The following NAALADL2 variants were observed in gnomAD, a reference collection of about 807,000 sequenced individuals.
The protein encoded by NAALADL2 is inactive N-acetylated-alpha-linked acidic dipeptidase-like protein 2.
A neutral mutation model predicts 87.2 loss-of-function variants in NAALADL2; 76 were observed. The observed-to-expected ratio is 0.87, with a 90% CI of 0.72 to 1.05. NAALADL2 has a LOEUF of 1.05. Ranked by LOEUF, NAALADL2 falls within the 50% of genes least tolerant of loss-of-function variation. The pLI is 0.00. For synonymous variants in NAALADL2, 354 were observed against 331.0 expected (o/e 1.07, Z -0.75); for missense variants, 1,089 against 945.8 (o/e 1.15, Z -1.99).
At chr3:175,206,127 C>T (rs971270589) in intron 2 of NAALADL2, among the ~76,000 whole-genome samples, 1 of 150,962 alleles carries the variant, frequency 6.6e-6, no homozygotes, top group Non-Finnish European at 1.5e-5. Flanking sequence ...AGTCATTATA[C>T]GAATAAGATA....
At chr3:175,311,320 A>G (rs117417504) in intron 4 of NAALADL2, among the ~76,000 whole-genome samples, 2 of 151,992 alleles carry the variant, frequency 1.3e-5, no homozygotes, top group African/African-American at 4.8e-5. Context: ...AGAAATCTAT[A>G]AAGTCACATT....
intron 3 of NAALADL2, among the ~76,000 whole-genome samples, chr3:174,818,749 G>T (rs572800685): frequency 2.6e-4 from 40 of 152,152 alleles, no homozygotes; most frequent in Admixed American, 1.0e-3. Context: ...TCAAGAGGAG[G>T]CCTTCGTCTA....
chr3:174,524,067 A>G lies in NAALADL2; in HGVS notation c.-183-26502A>G, dbSNP rs190240025. Among the ~76,000 whole-genome samples the G allele has an allele frequency of 2.2e-3, 335 of 152,228 alleles. 2 individuals are homozygous for G. The highest frequency in any genetic ancestry group is 9.7e-3 in the South Asian group (47 of 4,824). ...GTTCTTTTGGTCTTCTGAATTAACA[A>G]CAACTCCTTGAAATATTATCTGTGT... On this transcript the variant is annotated intron_variant, in intron 1 of 3. Transcript: ENST00000434257.
At chr3:175,011,014 G>A (rs1749709630) in intron 1 of NAALADL2, among the ~76,000 whole-genome samples, 1 of 152,080 alleles carries the variant, frequency 6.6e-6, no homozygotes, top group Admixed American at 6.6e-5. Flanking sequence ...ACTCCTATCA[G>A]AATTACTAGA....
chr3:175,607,210 A>G (rs1723877975), intron 10 of NAALADL2, among the ~76,000 whole-genome samples: 1 of 145,316 alleles, frequency 6.9e-6, no homozygotes, highest in Admixed American at 6.8e-5. Context: ...TAAATATAAT[A>G]TGCACACATG....
At chr3:174,896,315 TAAAAA>T (rs1184566017) in intron 1 of NAALADL2, among the ~76,000 whole-genome samples, 1 of 151,932 alleles carries the variant, frequency 6.6e-6, no homozygotes, top group African/African-American at 2.4e-5. Flanking sequence ...TTAGAACTGA[TAAAAA>T]AAATTCATTC....
intron 11 of NAALADL2, among the ~76,000 whole-genome samples, chr3:175,710,556 ATATT>A (rs972634692): frequency 7.3e-5 from 11 of 150,334 alleles, no homozygotes; most frequent in South Asian, 2.1e-4. Context: ...TTATATATAA[ATATT>A]TATATATGTG....
intron 11 of NAALADL2, among the ~76,000 whole-genome samples, chr3:175,647,019 G>A (rs1730101408): frequency 6.6e-6 from 1 of 151,920 alleles, no homozygotes; most frequent in Non-Finnish European, 1.5e-5. Context: ...ATATCTATAT[G>A]AACACACTCT....
In NAALADL2 at chr3:174,458,915, T is replaced by C. The variant is rs533303918; in HGVS notation, c.-184+17883T>C. On this transcript the variant is annotated intron_variant, in intron 1 of 3. Coordinates refer to the NAALADL2 transcript ENST00000434257. ...ATATTTTTTCTTCAAGCCTCTATTA[T>C]GTTTCCTGGGGTTACTAACATGATC... Among the ~76,000 whole-genome samples the C allele has an allele frequency of 3.3e-5, 5 of 152,262 alleles. No homozygotes were observed. The East Asian group carries it at 7.7e-4, about 24-fold the overall frequency.
At chr3:175,117,908 G>C (rs547971007) in intron 2 of NAALADL2, among the ~76,000 whole-genome samples, 1 of 151,848 alleles carries the variant, frequency 6.6e-6, no homozygotes, top group Non-Finnish European at 1.5e-5. Context: ...AATGTGGCAT[G>C]TACACACCAT....
intron 3 of NAALADL2, among the ~76,000 whole-genome samples, chr3:174,792,640 T>G (rs557460139): frequency 6.6e-6 from 1 of 152,308 alleles, no homozygotes; most frequent in South Asian, 2.1e-4. Context: ...TTATCCAGTG[T>G]GGTGGAGACA....
intron 1 of NAALADL2, among the ~76,000 whole-genome samples, chr3:174,899,992 A>T (rs1034354990): frequency 6.6e-6 from 1 of 152,110 alleles, no homozygotes; most frequent in African/African-American, 2.4e-5. Context: ...CTTATTTTAT[A>T]TATTAATTTC....
chr3:174,914,421 A>G (rs1381444646), intron 1 of NAALADL2, among the ~76,000 whole-genome samples: 1 of 152,142 alleles, frequency 6.6e-6, no homozygotes, highest in East Asian at 1.9e-4. Flanking sequence ...TTAGTATCAT[A>G]TGGGGTACAG....
rs576731480 is a variant in NAALADL2, at chr3:175,276,926, C to G, written c.939+20396C>G. On this transcript the variant is annotated intron_variant, in intron 4 of 13. Coordinates refer to ENST00000454872, the MANE Select transcript of NAALADL2 (RefSeq NM_207015.3). Reference sequence around the variant, plus strand: ...TTCCAGAGGCACAAAAATATGCTAACTATTAACAGCTGGACTTAATTCTAG... The same window carrying G: ...TTCCAGAGGCACAAAAATATGCTAAGTATTAACAGCTGGACTTAATTCTAG... 6.6e-5 allele frequency among the ~76,000 whole-genome samples: 10 copies of G among 152,208 alleles called. No individual in the cohort carries two copies. In the South Asian group the frequency reaches 2.1e-3, roughly 32 times the overall value.
intron 1 of NAALADL2, among the ~76,000 whole-genome samples, chr3:174,995,961 A>G (rs1449693257): frequency 6.6e-6 from 1 of 152,296 alleles, no homozygotes; most frequent in Admixed American, 6.5e-5. Context: ...GTGTCCAAGG[A>G]TAAGGAGAGT....
chr3:174,708,136 C>T (rs1730273287), intron 2 of NAALADL2, among the ~76,000 whole-genome samples: 1 of 152,110 alleles, frequency 6.6e-6, no homozygotes, highest in African/African-American at 2.4e-5. Flanking sequence ...GTGATTATAA[C>T]TAGTTTGTAT....
intron 2 of NAALADL2, among the ~76,000 whole-genome samples, chr3:175,232,899 TAA>T (rs558796035): frequency 1.3e-5 from 1 of 79,230 alleles, no homozygotes; most frequent in African/African-American, 3.9e-5. Context: ...GCCACAAAAT[TAA>T]AAAAAAACTT....
In NAALADL2 at chr3:175,295,718, A is replaced by ACACACACACAC. The variant is rs1553851707; in HGVS notation, c.940-28457_940-28456insCACACACACAC. On this transcript the variant is annotated intron_variant, in intron 4 of 13. Transcript: ENST00000454872. ...AAATCTTTTGATACACATGCACACA[A>ACACACACACAC]ACACACACACACACACACACACACA... Among the ~76,000 whole-genome samples the ACACACACACAC allele has an allele frequency of 2.4e-3, 338 of 143,758 alleles. 1 individual carries two copies. Among genetic ancestry groups the ACACACACACAC allele is most frequent in the East Asian group, 9.8e-3 (46 of 4,710 alleles). 94.3% of individuals were successfully genotyped at this position (143,758 alleles called of 152,430 possible). A position where few individuals can be genotyped will look rare whatever the true frequency, so the allele number is the denominator to read the frequency against.
At chr3:175,268,567 T>C (rs187441011) in intron 4 of NAALADL2, among the ~76,000 whole-genome samples, 137 of 151,214 alleles carry the variant, frequency 9.1e-4, no homozygotes, top group Admixed American at 2.3e-3. Flanking sequence ...GCTTTTTTAC[T>C]TTATGAACTT....
Sources: allele counts gnomAD v4.1 joint callset (sites outside exome capture counted in the v4.1 genomes callset), GRCh38; gene constraint gnomAD v4.1.1; transcripts MANE v1.5; gene names NCBI Gene and HGNC (gene_info 2026-07-23, HGNC 2026-07-21).